Variants in TRAPPC9 observed in about 807,000 individuals in gnomAD.
The protein encoded by TRAPPC9 is IKK2 binding protein.
TRAPPC9 carries 83 observed loss-of-function variants against 124.0 expected under a neutral mutation model. The observed-to-expected ratio is 0.67, with a 90% CI of 0.56 to 0.80. TRAPPC9 has a LOEUF of 0.80. TRAPPC9 is among the 30% of genes least tolerant of loss of function. The probability of loss-of-function intolerance (pLI) is 0.00; values close to 1 mark genes in which losing one functional copy is unlikely to be tolerated. For synonymous variants in TRAPPC9, 638 were observed against 617.5 expected (o/e 1.03, Z -0.49); for missense variants, 1,302 against 1,508.3 (o/e 0.86, Z 2.27).
intron 17 of TRAPPC9, among the ~76,000 whole-genome samples, chr8:140,192,760 G>A (rs1302660728): frequency 6.6e-6 from 1 of 152,160 alleles, no homozygotes; most frequent in Admixed American, 6.5e-5. Context: ...AAACACCCAA[G>A]GAATGGCTGT....
chr8:140,159,777 G>C (rs1398905395), intron 17 of TRAPPC9, among the ~76,000 whole-genome samples: 2 of 152,292 alleles, frequency 1.3e-5, no homozygotes, highest in East Asian at 3.9e-4. Context: ...TCATGAGAAA[G>C]GGCAGCCCTG....
At chr8:139,892,569 C>T (rs748315520) in intron 20 of TRAPPC9, among the ~76,000 whole-genome samples, 51 of 152,332 alleles carry the variant, frequency 3.3e-4, no homozygotes, top group African/African-American at 9.1e-4. Flanking sequence ...CTGCCAGTCA[C>T]GGGTAACACG....
chr8:140,398,204 C>G (rs4736036), intron 6 of TRAPPC9, among the ~76,000 whole-genome samples: 18,670 of 152,154 alleles, frequency 0.12, 2,065 homozygotes, highest in East Asian at 0.54. Flanking sequence ...GTAAATTGCC[C>G]AGTCTCAGGT....
chr8:140,207,355 CGTT>C (rs1367791278), intron 17 of TRAPPC9, among the ~76,000 whole-genome samples: 2 of 152,156 alleles, frequency 1.3e-5, no homozygotes, highest in Non-Finnish European at 2.9e-5. Context: ...TTTTGTTTGA[CGTT>C]GTCTCTATTT....
At chr8:139,822,936 T>C (rs1825353652) in intron 21 of TRAPPC9, among the ~76,000 whole-genome samples, 1 of 151,962 alleles carries the variant, frequency 6.6e-6, no homozygotes, top group Admixed American at 6.6e-5. Flanking sequence ...GGATGTCTGC[T>C]GAGGGCCCTC....
intron 8 of TRAPPC9, among the ~76,000 whole-genome samples, chr8:140,366,555 C>T (rs2068113537): frequency 6.6e-6 from 1 of 152,180 alleles, no homozygotes; most frequent in Admixed American, 6.6e-5. Flanking sequence ...AGACCTCACA[C>T]TCTTCACAAA....
At chr8:140,335,139 G>A (rs1001454548) in intron 9 of TRAPPC9, among the ~76,000 whole-genome samples, 5 of 152,090 alleles carry the variant, frequency 3.3e-5, no homozygotes, top group African/African-American at 1.2e-4. Flanking sequence ...TTACTAGATA[G>A]ACAAAGGGTA....
intron 7 of TRAPPC9, among the ~76,000 whole-genome samples, chr8:140,392,673 AC>A (rs1457379181): frequency 3.9e-5 from 6 of 152,164 alleles, no homozygotes; most frequent in Admixed American, 6.5e-5. Context: ...GAGAACCAGC[AC>A]GCCTCCCAGA....
rs144057734 is a variant in TRAPPC9, at chr8:140,219,345, C to T, written c.2556+2114G>A. Among the ~76,000 whole-genome samples, 10 of 152,310 alleles carry T rather than the reference C, an allele frequency of 6.6e-5. No individual in the cohort carries two copies. In the East Asian group the frequency reaches 1.2e-3, roughly 18 times the overall value. ...AAGACCCTAGTTCCCCTAAGAGCTC[C>T]GTCGATAGCCGCTTGAACGTTACAA... On this transcript the variant is annotated intron_variant, in intron 17 of 22. Transcript: ENST00000438773.
intron 21 of TRAPPC9, among the ~76,000 whole-genome samples, chr8:139,860,223 A>G (rs1449496230): frequency 6.6e-6 from 1 of 152,170 alleles, no homozygotes; most frequent in Non-Finnish European, 1.5e-5. Context: ...TCTAGAAAAA[A>G]GCCCACATCA....
intron 9 of TRAPPC9, among the ~76,000 whole-genome samples, chr8:140,342,850 CT>C (rs1420267474): frequency 6.6e-6 from 1 of 152,198 alleles, no homozygotes; most frequent in Non-Finnish European, 1.5e-5. Flanking sequence ...TCTTTATGCT[CT>C]GCTATATGAA....
intron 17 of TRAPPC9, among the ~76,000 whole-genome samples, chr8:140,156,437 T>C (rs1053081027): frequency 3.3e-5 from 5 of 152,260 alleles, no homozygotes; most frequent in African/African-American, 9.6e-5. Flanking sequence ...AAGTACTCTG[T>C]GAAACTTGGG....
Position 139,925,210 on chromosome 8 carries a change from A to G in TRAPPC9, c.2811-14910T>C, listed in dbSNP as rs146255036. Among the ~76,000 whole-genome samples the G allele has an allele frequency of 2.6e-3, 398 of 152,324 alleles. 4 individuals are homozygous for G. Among genetic ancestry groups the G allele is most frequent in the African/African-American group, 8.4e-3 (348 of 41,580 alleles). On this transcript the variant is annotated intron_variant, in intron 19 of 22. Coordinates refer to ENST00000438773, the MANE Select transcript of TRAPPC9 (RefSeq NM_001160372.4). ...ACTTTTCCCTCGACCTTTCCTCCACAGTGTGGAAAAAAATGCCCTGTTACA... is the reference window on the plus strand; with the variant it reads ...ACTTTTCCCTCGACCTTTCCTCCACGGTGTGGAAAAAAATGCCCTGTTACA...
At chr8:139,939,446 G>A (rs542415234) in intron 19 of TRAPPC9, among the ~76,000 whole-genome samples, 64 of 152,314 alleles carry the variant, frequency 4.2e-4, no homozygotes, top group African/African-American at 1.4e-3. Flanking sequence ...CCAGCACGCC[G>A]CATGGGGCTA....
intron 21 of TRAPPC9, among the ~76,000 whole-genome samples, chr8:139,857,759 C>T (rs1827891132): frequency 6.6e-6 from 1 of 152,238 alleles, no homozygotes; most frequent in African/African-American, 2.4e-5. Context: ...GGGCTGCCTG[C>T]CAACAGCTGC....
At chr8:140,000,642 C>T (rs1317763504) in intron 18 of TRAPPC9, among the ~76,000 whole-genome samples, 4 of 152,234 alleles carry the variant, frequency 2.6e-5, no homozygotes, top group African/African-American at 7.2e-5. Context: ...TGCTCACCAT[C>T]ACTGGTCATC....
At chr8:140,393,496 C>T (rs997368261) in intron 7 of TRAPPC9, among the ~76,000 whole-genome samples, 3 of 152,100 alleles carry the variant, frequency 2.0e-5, no homozygotes, top group Non-Finnish European at 4.4e-5. Context: ...AACCATTCAC[C>T]TAAACAACTA....
chr8:139,845,001 A>G (rs577202721), intron 21 of TRAPPC9, among the ~76,000 whole-genome samples: 2 of 151,922 alleles, frequency 1.3e-5, no homozygotes, highest in South Asian at 4.2e-4. Context: ...CACATCCTCC[A>G]CACCTTCCCA....
intron 17 of TRAPPC9, among the ~76,000 whole-genome samples, chr8:140,046,713 T>A (rs945993216): frequency 2.0e-5 from 3 of 152,238 alleles, no homozygotes; most frequent in Non-Finnish European, 4.4e-5. Flanking sequence ...CCAGAATTTA[T>A]TCTTCAATGC....
Sources: gnomAD v4.1 joint callset for allele counts (sites outside exome capture counted in the v4.1 genomes callset) on GRCh38, gnomAD v4.1.1 for gene constraint, MANE v1.5 for transcripts, NCBI Gene and HGNC (gene_info 2026-07-23, HGNC 2026-07-21) for gene names.